AFG2A: variants seen among roughly 807,000 people sequenced by gnomAD.
The protein encoded by AFG2A is AAA ATPase AFG2A.
At chr4:123,263,616 G>A in the AFG2A span, among the ~76,000 whole-genome samples, 1 of 152,014 alleles carries the variant, frequency 6.6e-6, no homozygotes, top group Non-Finnish European at 1.5e-5. Context: ...TGAAAAAATA[G>A]CATCACTAAT....
the AFG2A span, among the ~76,000 whole-genome samples, chr4:123,061,295 C>A: frequency 7.2e-5 from 11 of 152,320 alleles, no homozygotes; most frequent in East Asian, 5.8e-4. Flanking sequence ...TACAGCAGCA[C>A]CCCACTCTAC....
chr4:123,032,822 G>T, the AFG2A span, among the ~76,000 whole-genome samples: 1 of 152,244 alleles, frequency 6.6e-6, no homozygotes, highest in Non-Finnish European at 1.5e-5. Flanking sequence ...GATCATGAGT[G>T]TACACAGCCA....
chr4:123,309,338 C>G, the AFG2A span, among the ~76,000 whole-genome samples: 1 of 152,150 alleles, frequency 6.6e-6, no homozygotes, highest in African/African-American at 2.4e-5. Flanking sequence ...GGGCCTATTC[C>G]TCATAGACAT....
the AFG2A span, among the ~76,000 whole-genome samples, chr4:123,006,928 C>A: frequency 1.4e-5 from 1 of 73,286 alleles, no homozygotes; most frequent in East Asian, 5.8e-4. Flanking sequence ...AAGTTATTTT[C>A]TTTTACTCTC....
At chr4:123,204,562 AC>A in the AFG2A span, among the ~76,000 whole-genome samples, 5 of 152,182 alleles carry the variant, frequency 3.3e-5, no homozygotes, top group African/African-American at 1.2e-4. Context: ...TGTGGTTTAT[AC>A]AAGTCCTCTG....
At chr4:122,983,725 A>G in the AFG2A span, among the ~76,000 whole-genome samples, 2 of 152,284 alleles carry the variant, frequency 1.3e-5, no homozygotes, top group South Asian at 4.1e-4. Context: ...GGTCTAAGAT[A>G]TGATCTATCC....
chr4:123,085,424 C>T, the AFG2A span, among the ~76,000 whole-genome samples: 1 of 152,150 alleles, frequency 6.6e-6, no homozygotes, highest in African/African-American at 2.4e-5. Context: ...TCTTCTTAGA[C>T]AATTTACCCT....
At chr4:122,935,787 T>C in the AFG2A span, 1 of 1,613,364 alleles carries the variant, frequency 6.2e-7, no homozygotes, top group Non-Finnish European at 8.5e-7. Flanking sequence ...CCAGGGCTGT[T>C]GCTAATGAAG....
chr4:122,959,070 G>T, the AFG2A span, among the ~76,000 whole-genome samples: 1 of 152,194 alleles, frequency 6.6e-6, no homozygotes, highest in East Asian at 1.9e-4. Context: ...TGGGGCCCCA[G>T]ATTTGCATTT....
the AFG2A span, among the ~76,000 whole-genome samples, chr4:123,269,665 G>T: frequency 6.6e-6 from 1 of 152,138 alleles, no homozygotes; most frequent in Admixed American, 6.5e-5. Flanking sequence ...GTAAGTATGA[G>T]CTGAGACAAA....
At chr4:123,274,595 T>TAA in the AFG2A span, among the ~76,000 whole-genome samples, 1,682 of 141,140 alleles carry the variant, frequency 0.012, 31 homozygotes, top group African/African-American at 0.04. Context: ...AGCACATAAT[T>TAA]AAAAAAAAAA....
the AFG2A span, among the ~76,000 whole-genome samples, chr4:123,246,921 T>C: frequency 6.6e-6 from 1 of 152,196 alleles, no homozygotes; most frequent in African/African-American, 2.4e-5. Context: ...GGGAAATGTT[T>C]CTGGAATTTT....
chr4:123,015,853 C>T, the AFG2A span, among the ~76,000 whole-genome samples: 20 of 10,036 alleles, frequency 2.0e-3, no homozygotes, highest in South Asian at 6.3e-3. Context: ...GCTGGCCGGG[C>T]GGGGGGCTGA....
At chr4:123,053,673 G>A in the AFG2A span, among the ~76,000 whole-genome samples, 29 of 151,910 alleles carry the variant, frequency 1.9e-4, no homozygotes, top group African/African-American at 5.6e-4. Flanking sequence ...CAGCAGGTCC[G>A]TACATAGATG....
At chr4:123,007,627 T>TAC in the AFG2A span, among the ~76,000 whole-genome samples, 50 of 43,318 alleles carry the variant, frequency 1.2e-3, 1 homozygote, top group Non-Finnish European at 1.4e-3. Flanking sequence ...TATATATATA[T>TAC]ATACACACAC....
the AFG2A span, among the ~76,000 whole-genome samples, chr4:122,972,798 C>T: frequency 1.3e-5 from 2 of 151,928 alleles, no homozygotes; most frequent in African/African-American, 4.8e-5. Context: ...TTTATGATTT[C>T]AATCCTTGAG....
At chr4:123,225,927 A>G in the AFG2A span, among the ~76,000 whole-genome samples, 1 of 152,158 alleles carries the variant, frequency 6.6e-6, no homozygotes, top group East Asian at 1.9e-4. Flanking sequence ...GGTCCTTCAC[A>G]TCCTTTGTAA....
At chr4:123,180,978 C>CT in the AFG2A span, among the ~76,000 whole-genome samples, 58,689 of 118,308 alleles carry the variant, frequency 0.5, 17,848 homozygotes, top group Non-Finnish European at 0.67. Flanking sequence ...TCCTCCCCCT[C>CT]TTTTTTTTTT....
chr4:123,060,512 G>T, the AFG2A span, among the ~76,000 whole-genome samples: 4 of 152,308 alleles, frequency 2.6e-5, no homozygotes, highest in South Asian at 8.3e-4. Flanking sequence ...CAAGGCTTGG[G>T]GCTTGCACCG....
Sources: gnomAD v4.1 joint callset for allele counts (sites outside exome capture counted in the v4.1 genomes callset) on GRCh38, gnomAD v4.1.1 for gene constraint, MANE v1.5 for transcripts, NCBI Gene and HGNC (gene_info 2026-07-23, HGNC 2026-07-21) for gene names.